COL23A1: variants seen among roughly 807,000 people sequenced by gnomAD.
COL23A1 encodes the protein collagen alpha-1(XXIII) chain.
Under a neutral mutation model 99.3 loss-of-function variants are expected in COL23A1, and 97 were observed. The ratio of observed to expected loss-of-function variants is 0.98; its 90% CI spans 0.83 to 1.16. The LOEUF is 1.16. Among genes scored for constraint, COL23A1 ranks in the 50% most tolerant of loss-of-function variants. The pLI is 0.00. For synonymous variants in COL23A1, 320 were observed against 308.2 expected (o/e 1.04, Z -0.40); for missense variants, 762 against 757.4 (o/e 1.01, Z -0.07).
chr5:178,375,554 G>T (rs1223914647), intron 2 of COL23A1, among the ~76,000 whole-genome samples: 1 of 152,204 alleles, frequency 6.6e-6, no homozygotes, highest in Non-Finnish European at 1.5e-5. Context: ...GTCCCGCCCT[G>T]CCCCTCCGAC....
At chr5:178,560,582 C>G in intron 2 of COL23A1, 100 bp downstream of exon 2, 1 of 1,059,292 alleles carries the variant, frequency 9.4e-7, no homozygotes, top group Non-Finnish European at 1.4e-6. Context: ...AGACGACAGC[C>G]TGACACCCCA....
rs564180088 is a variant in COL23A1 at position 178,409,021 on chromosome 5, C to T, written c.362-102102G>A. Among the ~76,000 whole-genome samples, 459 of 129,358 alleles carry T rather than the reference C, an allele frequency of 3.5e-3. 6 individuals carry two copies. Among genetic ancestry groups the T allele is most frequent in the African/African-American group, 0.012 (421 of 35,212 alleles). The allele number at this position is 129,358 out of a possible 152,430, so 84.9% of individuals were successfully genotyped here. A position where few individuals can be genotyped will look rare whatever the true frequency, so the allele number is the denominator to read the frequency against. On this transcript the variant is annotated intron_variant, in intron 2 of 28. Coordinates refer to ENST00000390654, the MANE Select transcript of COL23A1 (RefSeq NM_173465.4). The stretch of plus-strand genomic sequence containing the variant: ...ACACACACACACACACACACACACA[C>T]ATCATGTGGCTGAACAATTGCACTC...
intron 2 of COL23A1, among the ~76,000 whole-genome samples, chr5:178,426,658 A>G (rs1311615468): frequency 6.6e-6 from 1 of 152,222 alleles, no homozygotes; most frequent in Non-Finnish European, 1.5e-5. Flanking sequence ...CGAAGCAGCC[A>G]TTTGAAGACC....
intron 2 of COL23A1, among the ~76,000 whole-genome samples, chr5:178,553,322 G>T (rs983139596): frequency 6.6e-6 from 1 of 152,134 alleles, no homozygotes; most frequent in African/African-American, 2.4e-5. Flanking sequence ...AACTATCAAC[G>T]AAATGTATCA....
intron 2 of COL23A1, among the ~76,000 whole-genome samples, chr5:178,409,920 G>A (rs768335110): frequency 1.3e-5 from 2 of 152,122 alleles, no homozygotes; most frequent in Non-Finnish European, 2.9e-5. Flanking sequence ...TTGTAAGAAT[G>A]AGACCTTCAT....
In COL23A1 at chr5:178,249,683, A is replaced by AACACACAC. The variant is rs746295532; in HGVS notation, c.1059+370_1059+377dup. On this transcript the variant is annotated intron_variant, in intron 18 of 28. Coordinates refer to ENST00000390654, the MANE Select transcript of COL23A1 (RefSeq NM_173465.4). ...GAATATGCTTACGTCTGTATAGGAT[A>AACACACAC]ACACACACACACACACACACACACA... Among the ~76,000 whole-genome samples the AACACACAC allele has an allele frequency of 1.6e-3, 192 of 118,348 alleles. 1 individual carries two copies. The highest frequency in any genetic ancestry group is 4.5e-3 in the African/African-American group (106 of 23,550). 77.6% of individuals were successfully genotyped at this position (118,348 alleles called of 152,430 possible).
At chr5:178,511,695 G>A (rs987198397) in intron 2 of COL23A1, among the ~76,000 whole-genome samples, 1 of 152,122 alleles carries the variant, frequency 6.6e-6, no homozygotes, top group Non-Finnish European at 1.5e-5. Context: ...GTGGACAGCT[G>A]CCAGTCCTCC....
chr5:178,354,022 C>T (rs1761483798), intron 2 of COL23A1, among the ~76,000 whole-genome samples: 1 of 151,946 alleles, frequency 6.6e-6, no homozygotes, highest in African/African-American at 2.4e-5. Flanking sequence ...TTGCATGAGC[C>T]TAAAACACCC....
intron 2 of COL23A1, among the ~76,000 whole-genome samples, chr5:178,473,029 G>A (rs868239945): frequency 2.9e-5 from 4 of 135,922 alleles, no homozygotes; most frequent in African/African-American, 5.4e-5. Context: ...AAGCTGAGGC[G>A]AGAGGATCGC....
intron 2 of COL23A1, among the ~76,000 whole-genome samples, chr5:178,322,731 T>G (rs1224150918): frequency 6.6e-6 from 1 of 152,238 alleles, no homozygotes; most frequent in Admixed American, 6.5e-5. Context: ...CTGTCACTCA[T>G]GTGGTCATTC....
intron 2 of COL23A1, among the ~76,000 whole-genome samples, chr5:178,357,500 G>A (rs1761725285): frequency 6.6e-6 from 1 of 152,202 alleles, no homozygotes; most frequent in Non-Finnish European, 1.5e-5. Context: ...ACCGTCCGCT[G>A]GGGAAACAAG....
chr5:178,257,077 G>T (rs1765346281), intron 13 of COL23A1, 149 bp from the exon 14 acceptor site: 2 of 699,680 alleles, frequency 2.9e-6, no homozygotes, highest in South Asian at 1.8e-5. Flanking sequence ...TGGGCGGATG[G>T]ACCTCAGGCC....
intron 2 of COL23A1, among the ~76,000 whole-genome samples, chr5:178,335,264 G>A (rs1760256091): frequency 1.3e-5 from 2 of 152,232 alleles, no homozygotes; most frequent in African/African-American, 4.8e-5. Context: ...GAAATGATGT[G>A]TTCATAATAA....
intron 2 of COL23A1, among the ~76,000 whole-genome samples, chr5:178,545,290 C>T (rs2113381301): frequency 6.6e-6 from 1 of 152,210 alleles, no homozygotes; most frequent in South Asian, 2.1e-4. Context: ...GCACTTTGAG[C>T]CTCTCCCTGT....
chr5:178,408,973 A>AACACAC (rs1554161384), intron 2 of COL23A1, among the ~76,000 whole-genome samples: 1 of 61,918 alleles, frequency 1.6e-5, no homozygotes, highest in Non-Finnish European at 3.0e-5. Context: ...AAAAAAAAAA[A>AACACAC]ATACACACAC....
chr5:178,246,105 GC>G, intron 24 of COL23A1, 137 bp from the exon 25 acceptor site: 1 of 1,306,200 alleles, frequency 7.7e-7, no homozygotes, highest in Non-Finnish European at 1.1e-6. Flanking sequence ...ATAGATGGAG[GC>G]CAGGACAGAC....
chr5:178,479,163 A>C (rs1757193128), intron 2 of COL23A1, among the ~76,000 whole-genome samples: 1 of 152,128 alleles, frequency 6.6e-6, no homozygotes, highest in African/African-American at 2.4e-5. Flanking sequence ...ACAGATACTT[A>C]ACACCATCAG....
chr5:178,254,213 C>A (rs546993070), intron 16 of COL23A1, among the ~76,000 whole-genome samples: 1 of 152,198 alleles, frequency 6.6e-6, no homozygotes, highest in Admixed American at 6.5e-5. Flanking sequence ...AGGGCTTCTC[C>A]CACAAGGCTA....
At chr5:178,459,207 T>A (rs1755978602) in intron 2 of COL23A1, among the ~76,000 whole-genome samples, 1 of 152,156 alleles carries the variant, frequency 6.6e-6, no homozygotes, top group African/African-American at 2.4e-5. Flanking sequence ...TGTTAATTTT[T>A]AATTTGTTTA....
Sources: gnomAD v4.1 joint callset for allele counts (sites outside exome capture counted in the v4.1 genomes callset) on GRCh38, gnomAD v4.1.1 for gene constraint, MANE v1.5 for transcripts, NCBI Gene and HGNC (gene_info 2026-07-23, HGNC 2026-07-21) for gene names.